Variants in PLA2G12A observed in about 807,000 individuals in gnomAD.
PLA2G12A encodes phospholipase A2 group XIIA.
Under a neutral mutation model 16.0 loss-of-function variants are expected in PLA2G12A, and 11 were observed. That is an observed-to-expected ratio of 0.69 (90% CI 0.43 to 1.13). The LOEUF is 1.13. Ranked by LOEUF, PLA2G12A falls within the 50% of genes most tolerant of loss-of-function variation. The probability of loss-of-function intolerance (pLI) is 0.00; values close to 1 mark genes in which losing one functional copy is unlikely to be tolerated. For synonymous variants in PLA2G12A, 77 were observed against 93.8 expected, an observed-to-expected ratio of 0.82 and a Z score of 1.03; for missense variants, 214 against 237.3, an observed-to-expected ratio of 0.90 and a Z score of 0.65.
chr4:109,724,112 A>G (rs1262595287), intron 1 of PLA2G12A, among the ~76,000 whole-genome samples: 3 of 151,984 alleles, frequency 2.0e-5, no homozygotes, highest in Non-Finnish European at 4.4e-5. Context: ...ATGTGTCTCA[A>G]TTGTCTTATT....
Position 109,712,418 on chromosome 4 carries a change from G to A in PLA2G12A, c.*1959C>T, listed in dbSNP as rs907147096. On this transcript the variant is annotated 3_prime_UTR_variant, in exon 4 of 4. Transcript: ENST00000243501. ...ATAACGATATTGAGTTTGTCCTTTT[G>A]AGAAAGCCAATGCTGCTAACAAAAT... 3 of 151,882 alleles carry A rather than the reference G, an allele frequency of 2.0e-5. No homozygotes were observed. The highest frequency in any genetic ancestry group is 6.6e-5 in the Admixed American group (1 of 15,260). The allele number at this position is 151,882 out of a possible 1,614,324, so 9.4% of individuals were successfully genotyped here.
chr4:109,729,593 C>T lies in PLA2G12A; in HGVS notation c.208+9G>A. ...CACGAGCCCTCGCTGGGCCCGGGTG[C>T]CCCCTCACCGTCACTGCATTTATAC... On this transcript the variant is annotated intron_variant, in intron 1 of 3. Coordinates refer to ENST00000243501, the MANE Select transcript of PLA2G12A (RefSeq NM_030821.5). 1.2e-6 allele frequency: 2 copies of T among 1,602,826 alleles called. No homozygotes were observed. Among genetic ancestry groups the T allele is most frequent in the East Asian group, 2.2e-5 (1 of 44,574 alleles).
At chr4:109,724,039 G>T (rs17512351) in intron 1 of PLA2G12A, among the ~76,000 whole-genome samples, 100,669 of 152,052 alleles carry the variant, frequency 0.66, 33,805 homozygotes, top group African/African-American at 0.78. Context: ...ACCTCACCCT[G>T]TTCCATGAGA....
intron 1 of PLA2G12A, among the ~76,000 whole-genome samples, chr4:109,724,776 G>A (rs1357503480): frequency 6.6e-6 from 1 of 152,156 alleles, no homozygotes; most frequent in African/African-American, 2.4e-5. Flanking sequence ...GGAAGTAGGA[G>A]GCTGCTGTGC....
Position 109,712,348 on chromosome 4 carries a change from G to C in PLA2G12A, c.*2029C>G, listed in dbSNP as rs1208255035. ...TTTTTTAATCTGAACATAAAAAACT[G>C]TTTCTACTGATTTTTGTATAATTTG... On this transcript the variant is annotated 3_prime_UTR_variant, in exon 4 of 4. Coordinates refer to ENST00000243501, the MANE Select transcript of PLA2G12A (RefSeq NM_030821.5). 2 of 151,676 alleles carry C rather than the reference G, an allele frequency of 1.3e-5. No individual in the cohort carries two copies. Among genetic ancestry groups the C allele is most frequent in the African/African-American group, 4.8e-5 (2 of 41,256 alleles). 9.4% of individuals were successfully genotyped at this position (151,676 alleles called of 1,614,324 possible).
rs544877849 is a variant in PLA2G12A at position 109,718,614 on chromosome 4, T to A, written c.285+69A>T. 83 of 1,170,068 alleles carry A rather than the reference T, an allele frequency of 7.1e-5. No homozygotes were observed. In the East Asian group the frequency reaches 1.0e-3, roughly 14 times the overall value. The allele number at this position is 1,170,068 out of a possible 1,614,324, so 72.5% of individuals were successfully genotyped here. On this transcript the variant is annotated intron_variant, in intron 2 of 3. Coordinates refer to ENST00000243501, the MANE Select transcript of PLA2G12A (RefSeq NM_030821.5). The stretch of plus-strand genomic sequence containing the variant: ...TGTGAATCTAAGAACATGCTGATAG[T>A]CTTATATCACCAAAAGTATTACATG...
At chr4:109,714,621 C>T in intron 3 of PLA2G12A, 126 bp from the exon 4 acceptor site, 2 of 668,444 alleles carry the variant, frequency 3.0e-6, no homozygotes, top group Non-Finnish European at 5.4e-6. Flanking sequence ...GATGAAATCA[C>T]CAAACTCTCA....
rs369546780 is a variant in PLA2G12A at position 109,729,707 on chromosome 4, G to T, written c.103C>A (p.Leu35Met). 3.1e-6 allele frequency: 5 copies of T among 1,609,914 alleles called. No individual in the cohort carries two copies. Among genetic ancestry groups the T allele is most frequent in the Non-Finnish European group, 4.2e-6 (5 of 1,179,066 alleles). ...TGAACGCCGTTCCGGATGGTCTTCA[G>T]GGTGGCTCTCCAGTCGGTGGTCTGG... ...QAQTTDWRATLKTIRNGVHKI... is the reference protein window; with the variant it reads ...QAQTTDWRATMKTIRNGVHKI... Residue 35 changes from leucine (L) to methionine (M), a missense_variant, in exon 1 of 4, where the codon CTG becomes ATG. By Grantham distance (15) the Leu-to-Met change is conservative (BLOSUM62 2). Transcript: ENST00000243501.
chr4:109,720,628 T>C (rs1365171108), intron 1 of PLA2G12A, among the ~76,000 whole-genome samples: 4 of 116,796 alleles, frequency 3.4e-5, no homozygotes, highest in African/African-American at 1.4e-4. Context: ...TATATATATA[T>C]ATATATATAT....
intron 1 of PLA2G12A, 57 bp downstream of exon 1, chr4:109,729,545 C>T (rs1035182390): frequency 1.3e-6 from 2 of 1,551,532 alleles, no homozygotes; most frequent in East Asian, 4.6e-5. Flanking sequence ...TCCAGGATCT[C>T]CGTCACCCCA....
Position 109,718,702 on chromosome 4 carries a change from G to GAGCC in PLA2G12A, c.262_265dup (p.Ser89TrpfsTer10). 6.2e-7 allele frequency: 1 copy of GAGCC among 1,602,928 alleles called. No homozygotes were observed. The highest frequency in any genetic ancestry group is 1.7e-5 in the Admixed American group (1 of 58,768). ...ATTTACATGAACACCAAACAGTGGA[G>GAGCC]AGCCACATCCATTCGGTGGGGAGGG... On this transcript the variant is annotated frameshift_variant, in exon 2 of 4. Transcript: ENST00000243501. LOFTEE classifies it high-confidence loss of function.
rs77768442 is a variant in PLA2G12A at position 109,723,846 on chromosome 4, G to A, written c.209-5087C>T. The stretch of plus-strand genomic sequence containing the variant: ...TGTATTTACAATATATATTGTTCAG[G>A]TTAACAACTGGACTGTTTTAAATTT... On this transcript the variant is annotated intron_variant, in intron 1 of 3. Transcript: ENST00000243501. 6.8e-3 allele frequency among the ~76,000 whole-genome samples: 1,034 copies of A among 152,254 alleles called. 11 individuals are homozygous for A. The highest frequency in any genetic ancestry group is 0.024 in the African/African-American group (984 of 41,550).
At position 109,720,668 on chromosome 4, in the gene PLA2G12A, A is replaced by G. The variant is rs558545452; in HGVS notation, c.209-1909T>C. ...ATGAATTTTAAAAAAATAAAAAAAG[A>G]AAGAGAAAAAAATAAACGGTTTCAG... On this transcript the variant is annotated intron_variant, in intron 1 of 3. Transcript: ENST00000243501. Among the ~76,000 whole-genome samples the G allele has an allele frequency of 2.0e-4, 29 of 146,792 alleles. No homozygotes were observed. In the South Asian group the frequency reaches 6.0e-3, roughly 30 times the overall value.
Position 109,729,987 on chromosome 4 carries a change from G to C in PLA2G12A, c.-178C>G. 1 of 570,812 alleles carries C rather than the reference G, an allele frequency of 1.8e-6. No individual in the cohort carries two copies. The highest frequency in any genetic ancestry group is 2.9e-6 in the Non-Finnish European group (1 of 341,530). 35.4% of individuals were successfully genotyped at this position (570,812 alleles called of 1,614,324 possible). ...TCGCTGTCTTTACGTGAACCGCCTCGGGCAGGCAGCGCCGTCGCGGGGACG... is the reference window on the plus strand; with the variant it reads ...TCGCTGTCTTTACGTGAACCGCCTCCGGCAGGCAGCGCCGTCGCGGGGACG... On this transcript the variant is annotated 5_prime_UTR_variant, in exon 1 of 4. Transcript: ENST00000243501.
rs1175749871 is a variant in PLA2G12A at position 109,717,530 on chromosome 4, C to A, written c.451+18G>T. 1.9e-6 allele frequency: 3 copies of A among 1,608,410 alleles called. No homozygotes were observed. The highest frequency in any genetic ancestry group is 2.6e-6 in the Non-Finnish European group (3 of 1,175,726). On this transcript the variant is annotated intron_variant, in intron 3 of 3. Coordinates refer to ENST00000243501, the MANE Select transcript of PLA2G12A (RefSeq NM_030821.5). ...TTTAAAAAGTACACTCATCCCCAAG[C>A]CACCAGATCATCCTTACCCTGAACA...
intron 1 of PLA2G12A, among the ~76,000 whole-genome samples, chr4:109,721,053 A>G (rs1474067695): frequency 1.3e-5 from 2 of 152,178 alleles, no homozygotes; most frequent in Non-Finnish European, 2.9e-5. Flanking sequence ...CCTGGGCAAC[A>G]AGAGCGAAAC....
intron 1 of PLA2G12A, among the ~76,000 whole-genome samples, chr4:109,729,326 A>AG (rs1230434814): frequency 6.9e-6 from 1 of 145,480 alleles, no homozygotes; most frequent in Non-Finnish European, 1.5e-5. Context: ...GGTGCAATTG[A>AG]GGGGGGGAAA....
chr4:109,726,701 G>A (rs1302435377), intron 1 of PLA2G12A, among the ~76,000 whole-genome samples: 1 of 152,098 alleles, frequency 6.6e-6, no homozygotes, highest in African/African-American at 2.4e-5. Flanking sequence ...AAAGGAAATC[G>A]AAAAGTTTTC....
chr4:109,725,541 T>C lies in PLA2G12A; in HGVS notation c.208+4061A>G, dbSNP rs564320941. Among the ~76,000 whole-genome samples, 7 of 152,346 alleles carry C rather than the reference T, an allele frequency of 4.6e-5. No individual in the cohort carries two copies. The South Asian group carries it at 1.0e-3, about 23-fold the overall frequency. On this transcript the variant is annotated intron_variant, in intron 1 of 3. Transcript: ENST00000243501. ...AAAACACCATGATGTGTTGCGGCCA[T>C]TGTCCTCTAAAATTTGTAAGCGGAT...
Sources: gnomAD v4.1 joint callset for allele counts (sites outside exome capture counted in the v4.1 genomes callset) on GRCh38, gnomAD v4.1.1 for gene constraint, MANE v1.5 for transcripts, NCBI Gene and HGNC (gene_info 2026-07-23, HGNC 2026-07-21) for gene names.